Variants in MAP4K3 observed in about 807,000 individuals in gnomAD.
The protein encoded by MAP4K3 is mitogen-activated protein kinase kinase kinase kinase 3, also known as MAPK/ERK kinase kinase kinase 3.
A neutral mutation model predicts 143.5 loss-of-function variants in MAP4K3; 94 were observed. That is an observed-to-expected ratio of 0.65 (90% CI 0.55 to 0.78). The LOEUF (loss-of-function observed/expected upper bound fraction) is 0.78. Among genes scored for constraint, MAP4K3 ranks in the 30% least tolerant of loss-of-function variants. MAP4K3 has a pLI of 0.00. For missense variants in MAP4K3, 1,077 were observed against 1,068.1 expected (o/e 1.01, Z -0.12); for synonymous variants, 416 against 347.2 (o/e 1.20, Z -2.20).
At chr2:39,395,261 C>T (rs1452214713) in intron 1 of MAP4K3, among the ~76,000 whole-genome samples, 1 of 152,092 alleles carries the variant, frequency 6.6e-6, no homozygotes, top group Non-Finnish European at 1.5e-5. Context: ...ACATAGCTTG[C>T]TGCTGACAAA....
intron 1 of MAP4K3, among the ~76,000 whole-genome samples, chr2:39,387,845 G>A (rs1219111643): frequency 2.6e-5 from 4 of 151,864 alleles, no homozygotes; most frequent in Non-Finnish European, 5.9e-5. Context: ...CTTAAAACCA[G>A]ATAATTAAAG....
At chr2:39,352,423 C>A (rs928566511) in intron 3 of MAP4K3, among the ~76,000 whole-genome samples, 1 of 152,064 alleles carries the variant, frequency 6.6e-6, no homozygotes, top group Non-Finnish European at 1.5e-5. Flanking sequence ...TTAGAAGGAA[C>A]CTGAAATTAA....
intron 3 of MAP4K3, among the ~76,000 whole-genome samples, chr2:39,345,822 T>G (rs1665273172): frequency 6.8e-6 from 1 of 146,556 alleles, no homozygotes; most frequent in African/African-American, 2.6e-5. Flanking sequence ...CTCGGGAGAC[T>G]GAGGCAGGAG....
chr2:39,258,242 T>G (rs1243470109), intron 31 of MAP4K3, 106 bp downstream of exon 31: 1 of 874,276 alleles, frequency 1.1e-6, no homozygotes, highest in African/African-American at 1.7e-5. Flanking sequence ...ATATCCTTTA[T>G]TTTAAAAAAA....
chr2:39,386,043 C>A (rs560178692), intron 1 of MAP4K3, among the ~76,000 whole-genome samples: 1 of 152,168 alleles, frequency 6.6e-6, no homozygotes, highest in East Asian at 1.9e-4. Flanking sequence ...GAAGTCCCAA[C>A]CCCCAGCACT....
At chr2:39,366,339 T>G (rs540049366) in intron 2 of MAP4K3, among the ~76,000 whole-genome samples, 5 of 152,196 alleles carry the variant, frequency 3.3e-5, no homozygotes, top group Non-Finnish European at 1.5e-5. Context: ...GATTGGCAAT[T>G]GGTTTAGAGT....
chr2:39,318,052 C>T (rs569328470), intron 12 of MAP4K3, among the ~76,000 whole-genome samples: 3 of 152,092 alleles, frequency 2.0e-5, no homozygotes, highest in Non-Finnish European at 2.9e-5. Context: ...AAATGTGGTA[C>T]GGATATGCAG....
chr2:39,414,182 C>CCT (rs1212649830), intron 1 of MAP4K3, among the ~76,000 whole-genome samples: 1 of 152,168 alleles, frequency 6.6e-6, no homozygotes, highest in East Asian at 1.9e-4. Flanking sequence ...CACTCACCAA[C>CCT]CTCTCCATCA....
intron 22 of MAP4K3, among the ~76,000 whole-genome samples, chr2:39,281,444 T>C (rs2148466203): frequency 6.6e-6 from 1 of 152,312 alleles, no homozygotes; most frequent in East Asian, 1.9e-4. Flanking sequence ...AATAGAAACA[T>C]GTCTTTAGGA....
rs528893988 is a variant in MAP4K3, at chr2:39,326,059, C to T, written c.662+87G>A. 34 of 1,538,478 alleles carry T rather than the reference C, an allele frequency of 2.2e-5. 1 individual carries two copies. In the South Asian group the frequency reaches 3.3e-4, roughly 15 times the overall value. On this transcript the variant is annotated intron_variant, in intron 9 of 33. Transcript: ENST00000263881. ...TATTTGTTCCCCAAATAAGGTAAAA[C>T]AAGACTAAGAAAATTACTTGTTCAT...
intron 26 of MAP4K3, among the ~76,000 whole-genome samples, chr2:39,271,134 T>C (rs1484514385): frequency 1.3e-5 from 2 of 152,202 alleles, no homozygotes; most frequent in Non-Finnish European, 2.9e-5. Context: ...CCAAAGCTTA[T>C]GCTTTATTAA....
intron 26 of MAP4K3, among the ~76,000 whole-genome samples, chr2:39,268,294 C>T (rs1176950545): frequency 6.6e-6 from 1 of 151,804 alleles, no homozygotes; most frequent in African/African-American, 2.4e-5. Context: ...CAAATTAAAC[C>T]CATTTCTGTA....
At chr2:39,369,916 A>C (rs1666035200) in intron 2 of MAP4K3, among the ~76,000 whole-genome samples, 1 of 152,186 alleles carries the variant, frequency 6.6e-6, no homozygotes, top group Non-Finnish European at 1.5e-5. Flanking sequence ...CACCACCTAC[A>C]TATGCACACA....
intron 24 of MAP4K3, among the ~76,000 whole-genome samples, chr2:39,277,903 G>T (rs978719360): frequency 6.6e-6 from 1 of 151,858 alleles, no homozygotes; most frequent in African/African-American, 2.4e-5. Context: ...CTGGGGTGGG[G>T]TGGCTCATAT....
At chr2:39,353,849 C>T (rs542700126) in intron 3 of MAP4K3, among the ~76,000 whole-genome samples, 1 of 152,216 alleles carries the variant, frequency 6.6e-6, no homozygotes, top group African/African-American at 2.4e-5. Flanking sequence ...CACGTAGTTA[C>T]CCAGGAAGTA....
At chr2:39,376,177 A>C (rs1666212969) in intron 2 of MAP4K3, among the ~76,000 whole-genome samples, 1 of 152,182 alleles carries the variant, frequency 6.6e-6, no homozygotes, top group South Asian at 2.1e-4. Flanking sequence ...CCAGCTGTGT[A>C]TGAGGGTTCC....
At chr2:39,435,439 C>T (rs985855506) in intron 1 of MAP4K3, among the ~76,000 whole-genome samples, 17 of 152,162 alleles carry the variant, frequency 1.1e-4, no homozygotes, top group African/African-American at 3.9e-4. Context: ...AGAGCCTTCA[C>T]ATATCATGCT....
chr2:39,288,339 A>C, intron 19 of MAP4K3, 59 bp from the exon 20 acceptor site: 1 of 1,477,562 alleles, frequency 6.8e-7, no homozygotes, highest in Non-Finnish European at 9.4e-7. Flanking sequence ...TCCTGAAGTA[A>C]GTACTATTAT....
intron 1 of MAP4K3, among the ~76,000 whole-genome samples, chr2:39,417,669 T>C (rs748215943): frequency 5.3e-5 from 8 of 152,226 alleles, no homozygotes; most frequent in African/African-American, 1.7e-4. Flanking sequence ...ATTATAGATA[T>C]GTATGTATAC....
Sources: allele counts gnomAD v4.1 joint callset (sites outside exome capture counted in the v4.1 genomes callset), GRCh38; gene constraint gnomAD v4.1.1; transcripts MANE v1.5; gene names NCBI Gene and HGNC (gene_info 2026-07-23, HGNC 2026-07-21).